The following CACNA2D3 variants were observed in gnomAD, a reference collection of about 807,000 sequenced individuals.
The protein encoded by CACNA2D3 is voltage-dependent calcium channel subunit alpha-2/delta-3.
CACNA2D3 carries 60 observed loss-of-function variants against 160.6 expected under a neutral mutation model. That is an observed-to-expected ratio of 0.37 (90% confidence interval 0.30 to 0.46). The LOEUF is 0.46. Among genes scored for constraint, CACNA2D3 ranks in the 20% least tolerant of loss-of-function variants. The pLI is 1.00. For synonymous variants in CACNA2D3, 558 were observed against 492.9 expected, an observed-to-expected ratio of 1.13 and a Z score of -1.75; for missense variants, 1,205 against 1,365.0, an observed-to-expected ratio of 0.88 and a Z score of 1.85.
intron 2 of CACNA2D3, among the ~76,000 whole-genome samples, chr3:54,317,440 C>A (rs1703887862): frequency 6.6e-6 from 1 of 152,190 alleles, no homozygotes; most frequent in Non-Finnish European, 1.5e-5. Context: ...GGTCAAGGGG[C>A]CCGAATCTGG....
intron 17 of CACNA2D3, among the ~76,000 whole-genome samples, chr3:54,846,824 T>C (rs1698943267): frequency 6.6e-6 from 1 of 152,228 alleles, no homozygotes; most frequent in Admixed American, 6.5e-5. Flanking sequence ...ACTCCAGCTC[T>C]AGACCCACTT....
chr3:54,634,748 A>C (rs1390263356), intron 10 of CACNA2D3, among the ~76,000 whole-genome samples: 3 of 152,198 alleles, frequency 2.0e-5, no homozygotes, highest in Admixed American at 6.5e-5. Context: ...GACTTTCACA[A>C]GGTAATGTCA....
In CACNA2D3 at chr3:54,581,859, C is replaced by G. The variant is rs754825750; in HGVS notation, c.945C>G (p.Ala315=). 1 of 1,613,638 alleles carries G rather than the reference C, an allele frequency of 6.2e-7. No individual in the cohort carries two copies. Among genetic ancestry groups the G allele is most frequent in the Admixed American group, 1.7e-5 (1 of 59,982 alleles). ...EPCLNGTLVQ[A]DRTNKEHFRE... ...GCCTGAATGGAACTTTGGTGCAAGC[C>G]GACAGGACAAACAAAGAGGTAGGGG... Residue 315 remains alanine, a synonymous_variant, in exon 9 of 38, where the codon GCC becomes GCG. Transcript: ENST00000474759.
chr3:54,956,924 CAG>C (rs1424438550), intron 27 of CACNA2D3, among the ~76,000 whole-genome samples: 16 of 152,028 alleles, frequency 1.1e-4, no homozygotes, highest in Admixed American at 5.9e-4. Flanking sequence ...AGGTTGAAAA[CAG>C]GGGTGAAGGT....
intron 5 of CACNA2D3, among the ~76,000 whole-genome samples, chr3:54,526,571 C>T (rs1701726322): frequency 6.6e-6 from 1 of 152,214 alleles, no homozygotes; most frequent in Admixed American, 6.5e-5. Flanking sequence ...CAATATGAAG[C>T]CCCTGATGCT....
intron 2 of CACNA2D3, among the ~76,000 whole-genome samples, chr3:54,195,311 G>A (rs1246204332): frequency 6.6e-6 from 1 of 152,138 alleles, no homozygotes; most frequent in African/African-American, 2.4e-5. Flanking sequence ...TTCTGCGTCT[G>A]TGCCTTTGCT....
intron 3 of CACNA2D3, among the ~76,000 whole-genome samples, chr3:54,347,684 C>G (rs971466184): frequency 6.6e-6 from 1 of 151,944 alleles, no homozygotes; most frequent in African/African-American, 2.4e-5. Context: ...ACACCATGGG[C>G]TCCTTCTTCA....
intron 34 of CACNA2D3, among the ~76,000 whole-genome samples, chr3:55,012,487 T>C (rs1300339734): frequency 3.9e-5 from 6 of 152,162 alleles, no homozygotes; most frequent in African/African-American, 1.4e-4. Context: ...CCTGTTTCCC[T>C]TCTTTGTGAC....
At chr3:54,988,794 G>T (rs1383187523) in intron 31 of CACNA2D3, among the ~76,000 whole-genome samples, 1 of 152,106 alleles carries the variant, frequency 6.6e-6, no homozygotes, top group Non-Finnish European at 1.5e-5. Context: ...TCCATAGCTT[G>T]TTTGTGCCAG....
chr3:54,490,754 G>A (rs1701096461), intron 4 of CACNA2D3, among the ~76,000 whole-genome samples: 2 of 152,146 alleles, frequency 1.3e-5, no homozygotes. Context: ...ATGAGGGAAA[G>A]GTTCAAAGAA....
intron 4 of CACNA2D3, among the ~76,000 whole-genome samples, chr3:54,462,867 G>C (rs62254181): frequency 4.0e-5 from 6 of 149,628 alleles, no homozygotes; most frequent in Non-Finnish European, 9.0e-5. Context: ...TTTCTTCCTA[G>C]TCTCGATGTT....
At chr3:54,258,363 T>C (rs1406361824) in intron 2 of CACNA2D3, among the ~76,000 whole-genome samples, 1 of 151,916 alleles carries the variant, frequency 6.6e-6, no homozygotes, top group African/African-American at 2.4e-5. Flanking sequence ...TAAATGAGAG[T>C]CTGAACCCCT....
chr3:54,710,404 G>A (rs1700932866), intron 11 of CACNA2D3, among the ~76,000 whole-genome samples: 1 of 152,166 alleles, frequency 6.6e-6, no homozygotes, highest in African/African-American at 2.4e-5. Flanking sequence ...TAGTTCTATT[G>A]GGATTTGAGG....
chr3:54,327,335 T>G (rs1052093414), intron 3 of CACNA2D3, among the ~76,000 whole-genome samples: 1 of 152,248 alleles, frequency 6.6e-6, no homozygotes, highest in Admixed American at 6.5e-5. Context: ...ATTTCATGTC[T>G]TCTCTCCTCA....
At chr3:54,998,833 G>A (rs1409209572) in intron 31 of CACNA2D3, among the ~76,000 whole-genome samples, 9 of 152,142 alleles carry the variant, frequency 5.9e-5, no homozygotes, top group East Asian at 3.9e-4. Flanking sequence ...TGAAAGCTCC[G>A]TCTCCAGGGT....
Position 55,074,245 on chromosome 3 carries a change from C to T in CACNA2D3, c.*39C>T, listed in dbSNP as rs1704896887. 1.4e-6 allele frequency: 2 copies of T among 1,412,332 alleles called. No homozygotes were observed. Among genetic ancestry groups the T allele is most frequent in the South Asian group, 2.3e-5 (2 of 86,320 alleles). The allele number at this position is 1,412,332 out of a possible 1,614,324, so 87.5% of individuals were successfully genotyped here. A position where few individuals can be genotyped will look rare whatever the true frequency, so the allele number is the denominator to read the frequency against. ...GTTCTCTTACTGACTGAGATGTTCT[C>T]TTGGCATGCTAAATCATGGATAAAC... On this transcript the variant is annotated 3_prime_UTR_variant, in exon 38 of 38. Coordinates refer to ENST00000474759, the MANE Select transcript of CACNA2D3 (RefSeq NM_018398.3).
chr3:54,220,525 C>T (rs1430514340), intron 2 of CACNA2D3, among the ~76,000 whole-genome samples: 2 of 152,132 alleles, frequency 1.3e-5, no homozygotes, highest in African/African-American at 4.8e-5. Context: ...ACTAGCAGGG[C>T]TCAGGCATGT....
intron 2 of CACNA2D3, among the ~76,000 whole-genome samples, chr3:54,236,208 A>G (rs1382545525): frequency 2.0e-5 from 3 of 152,226 alleles, no homozygotes; most frequent in Non-Finnish European, 4.4e-5. Context: ...GGCTAAGCAA[A>G]CATGACAATT....
At chr3:54,264,597 C>T (rs927659520) in intron 2 of CACNA2D3, among the ~76,000 whole-genome samples, 1 of 152,110 alleles carries the variant, frequency 6.6e-6, no homozygotes, top group African/African-American at 2.4e-5. Context: ...AAAATAGAAA[C>T]GGAGACATAG....
Sources: allele counts gnomAD v4.1 joint callset (sites outside exome capture counted in the v4.1 genomes callset), GRCh38; gene constraint gnomAD v4.1.1; transcripts MANE v1.5; gene names NCBI Gene and HGNC (gene_info 2026-07-23, HGNC 2026-07-21).